The following KIAA0825 variants were observed in gnomAD, a reference collection of about 807,000 sequenced individuals.
KIAA0825 encodes the protein uncharacterized protein KIAA0825.
In KIAA0825, 119 loss-of-function variants were observed where a neutral mutation model predicts 147.6. The observed-to-expected ratio is 0.81, with a 90% CI of 0.69 to 0.94. KIAA0825 has a LOEUF of 0.94. Among genes scored for constraint, KIAA0825 ranks in the 40% least tolerant of loss-of-function variants. The pLI is 0.00. For missense variants in KIAA0825, 1,381 were observed against 1,472.7 expected (o/e 0.94, Z 1.02); for synonymous variants, 470 against 518.1 (o/e 0.91, Z 1.26).
chr5:94,164,204 C>T (rs777024242), intron 20 of KIAA0825, among the ~76,000 whole-genome samples: 1 of 151,962 alleles, frequency 6.6e-6, no homozygotes, highest in African/African-American at 2.4e-5. Context: ...CAAAACAATC[C>T]TAAAGTTTAT....
intron 20 of KIAA0825, among the ~76,000 whole-genome samples, chr5:94,292,723 C>T (rs144197064): frequency 5.3e-5 from 8 of 152,194 alleles, no homozygotes; most frequent in South Asian, 2.1e-4. Flanking sequence ...TGGTAGAAAT[C>T]GGCTGTGAAT....
chr5:94,471,810 C>A, intron 8 of KIAA0825, 79 bp from the exon 9 acceptor site: 1 of 1,288,840 alleles, frequency 7.8e-7, no homozygotes, highest in South Asian at 1.5e-5. Context: ...GAGCCAAATT[C>A]CTAAATAATG....
chr5:94,516,084 A>G (rs1767186968), intron 5 of KIAA0825, among the ~76,000 whole-genome samples: 1 of 152,210 alleles, frequency 6.6e-6, no homozygotes, highest in South Asian at 2.1e-4. Context: ...AACTGAATAT[A>G]AAGTAGAAAA....
rs1770278003 is a variant in KIAA0825 at position 94,187,752 on chromosome 5, C to T, written c.3711-33628G>A. The stretch of plus-strand genomic sequence containing the variant: ...GAGTTATTTTTTAAAAAACAAATTC[C>T]AAGGCCTAAACTCCCTCAAATTCTG... On this transcript the variant is annotated intron_variant, in intron 20 of 20. Transcript: ENST00000682413. 2.0e-5 allele frequency among the ~76,000 whole-genome samples: 3 copies of T among 152,198 alleles called. No individual in the cohort carries two copies. In the South Asian group the frequency reaches 6.2e-4, roughly 32 times the overall value.
chr5:94,162,160 T>C (rs572559213), intron 20 of KIAA0825, among the ~76,000 whole-genome samples: 1 of 152,314 alleles, frequency 6.6e-6, no homozygotes, highest in East Asian at 1.9e-4. Flanking sequence ...TTAAAGAATC[T>C]ATAGGTTACT....
intron 14 of KIAA0825, among the ~76,000 whole-genome samples, chr5:94,436,942 T>G (rs1377630788): frequency 6.6e-6 from 1 of 152,150 alleles, no homozygotes; most frequent in Non-Finnish European, 1.5e-5. Flanking sequence ...TATACAGAAA[T>G]GCTAGCAATT....
chr5:94,519,358 T>A (rs1767743059), intron 5 of KIAA0825: 1 of 887,480 alleles, frequency 1.1e-6, no homozygotes. Context: ...TTTATGAACT[T>A]ATTCAGAAAT....
intron 20 of KIAA0825, among the ~76,000 whole-genome samples, chr5:94,255,533 C>T (rs1388066441): frequency 1.3e-5 from 2 of 151,830 alleles, no homozygotes; most frequent in East Asian, 3.9e-4. Context: ...AAATTAGTTG[C>T]TCAGTATTGT....
Position 94,244,712 on chromosome 5 carries a change from A to G in KIAA0825, c.3711-90588T>C, listed in dbSNP as rs1178959181. 2.0e-5 allele frequency among the ~76,000 whole-genome samples: 3 copies of G among 152,280 alleles called. No individual in the cohort carries two copies. In the South Asian group the frequency reaches 6.2e-4, roughly 32 times the overall value. ...TCAATACCTAGCTCACAGAGCAGACATGTGGATCATGTGAGATAAATAACA... is the reference window on the plus strand; with the variant it reads ...TCAATACCTAGCTCACAGAGCAGACGTGTGGATCATGTGAGATAAATAACA... On this transcript the variant is annotated intron_variant, in intron 20 of 20. Coordinates refer to ENST00000682413, the MANE Select transcript of KIAA0825 (RefSeq NM_001145678.3).
chr5:94,535,492 T>TA (rs1771795863), intron 3 of KIAA0825, among the ~76,000 whole-genome samples: 1 of 39,496 alleles, frequency 2.5e-5, no homozygotes, highest in African/African-American at 1.2e-4. Flanking sequence ...CCTGGGTGAC[T>TA]CAAAAAAAAA....
chr5:94,474,616 T>C (rs183666175), intron 7 of KIAA0825, among the ~76,000 whole-genome samples: 152 of 152,320 alleles, frequency 1.0e-3, no homozygotes, highest in Non-Finnish European at 1.8e-3. Flanking sequence ...TTTTCACATA[T>C]ACTGTACAAA....
At chr5:94,189,629 C>G (rs1770479778) in intron 20 of KIAA0825, among the ~76,000 whole-genome samples, 1 of 151,952 alleles carries the variant, frequency 6.6e-6, no homozygotes, top group African/African-American at 2.4e-5. Flanking sequence ...ATTCATTTTC[C>G]TATGAAAAAG....
chr5:94,209,211 T>G (rs1305776317), intron 20 of KIAA0825, among the ~76,000 whole-genome samples: 1 of 152,242 alleles, frequency 6.6e-6, no homozygotes, highest in Non-Finnish European at 1.5e-5. Flanking sequence ...GCATTAAATG[T>G]TTTTTATAAC....
intron 12 of KIAA0825, among the ~76,000 whole-genome samples, chr5:94,457,793 C>T (rs768540510): frequency 5.3e-5 from 8 of 152,170 alleles, no homozygotes; most frequent in East Asian, 1.9e-4. Flanking sequence ...GTGTTGCTTT[C>T]GGCTGCCCTC....
chr5:94,262,511 G>T (rs1458770661), intron 20 of KIAA0825, among the ~76,000 whole-genome samples: 1 of 152,044 alleles, frequency 6.6e-6, no homozygotes, highest in Non-Finnish European at 1.5e-5. Context: ...TTACATTTTA[G>T]TAAAAATGGA....
chr5:94,612,455 T>G (rs1213898256), intron 1 of KIAA0825, among the ~76,000 whole-genome samples: 1 of 152,004 alleles, frequency 6.6e-6, no homozygotes, highest in Non-Finnish European at 1.5e-5. Flanking sequence ...CTTTCTTCCT[T>G]CCTTCTCTTC....
chr5:94,247,057 C>T (rs1775664612), intron 20 of KIAA0825, among the ~76,000 whole-genome samples: 1 of 152,044 alleles, frequency 6.6e-6, no homozygotes, highest in Admixed American at 6.6e-5. Context: ...AAAGTTCATT[C>T]TTGAGGTAGA....
At chr5:94,272,026 G>A (rs958396865) in intron 20 of KIAA0825, among the ~76,000 whole-genome samples, 2 of 142,706 alleles carry the variant, frequency 1.4e-5, no homozygotes, top group African/African-American at 2.6e-5. Flanking sequence ...AGCATGGATG[G>A]AACTGGAGGT....
intron 20 of KIAA0825, among the ~76,000 whole-genome samples, chr5:94,274,237 G>A (rs747687934): frequency 2.6e-5 from 4 of 152,002 alleles, no homozygotes; most frequent in Admixed American, 6.6e-5. Context: ...TTGACATAAG[G>A]CTGGTTATTA....
Sources: gnomAD v4.1 joint callset for allele counts (sites outside exome capture counted in the v4.1 genomes callset) on GRCh38, gnomAD v4.1.1 for gene constraint, MANE v1.5 for transcripts, NCBI Gene and HGNC (gene_info 2026-07-23, HGNC 2026-07-21) for gene names.